The following SLC9A9 variants were observed in gnomAD, a reference collection of about 807,000 sequenced individuals.
The protein encoded by SLC9A9 is solute carrier family 9 member A9.
In SLC9A9, 62 loss-of-function variants were observed where a neutral mutation model predicts 77.8. That is an observed-to-expected ratio of 0.80 (90% CI 0.65 to 0.98). The LOEUF (loss-of-function observed/expected upper bound fraction) is 0.98, where lower values mean the gene tolerates loss of function less well. Among genes scored for constraint, SLC9A9 ranks in the 50% least tolerant of loss-of-function variants. The probability of loss-of-function intolerance (pLI) is 0.00; values close to 1 mark genes in which losing one functional copy is unlikely to be tolerated. For synonymous variants in SLC9A9, 320 were observed against 283.5 expected (o/e 1.13, Z -1.29); for missense variants, 775 against 774.9 (o/e 1.00, Z 0.00).
chr3:143,781,833 T>C lies in SLC9A9; in HGVS notation c.533+13168A>G, dbSNP rs904258674. On this transcript the variant is annotated intron_variant, in intron 4 of 15. Transcript: ENST00000316549. ...GCCTTTTGGAAACTTTCTTTACAGC[T>C]ACCTCTCATGGAGTAGGAATGAGTA... Among the ~76,000 whole-genome samples the C allele has an allele frequency of 3.9e-5, 6 of 152,222 alleles. No individual in the cohort carries two copies. The East Asian group carries it at 5.8e-4, about 15-fold the overall frequency.
intron 12 of SLC9A9, among the ~76,000 whole-genome samples, chr3:143,457,411 C>G (rs2035113809): frequency 6.6e-6 from 1 of 152,080 alleles, no homozygotes; most frequent in South Asian, 2.1e-4. Context: ...TTCAAAGAAC[C>G]AGGTTTTGGT....
intron 4 of SLC9A9, chr3:143,698,019 A>G (rs1933690682): frequency 6.6e-6 from 1 of 152,216 alleles, no homozygotes; most frequent in African/African-American, 2.4e-5. Context: ...AATTAGTTAT[A>G]ACTACATTAA....
chr3:143,545,001 G>A (rs551124520), intron 9 of SLC9A9, among the ~76,000 whole-genome samples: 82 of 152,094 alleles, frequency 5.4e-4, no homozygotes, highest in South Asian at 1.2e-3. Flanking sequence ...TTATTTCCGG[G>A]TTCTCTATTC....
chr3:143,762,522 A>G (rs938816033), intron 4 of SLC9A9, among the ~76,000 whole-genome samples: 2 of 152,138 alleles, frequency 1.3e-5, no homozygotes, highest in East Asian at 3.9e-4. Context: ...TCCCAAATAA[A>G]TCTTTGTAAT....
At chr3:143,272,891 A>G (rs1400518262) in intron 14 of SLC9A9, among the ~76,000 whole-genome samples, 1 of 152,226 alleles carries the variant, frequency 6.6e-6, no homozygotes, top group Non-Finnish European at 1.5e-5. Flanking sequence ...GAATAGCAGT[A>G]TGGTTCAGGA....
intron 4 of SLC9A9, among the ~76,000 whole-genome samples, chr3:143,733,842 A>G: frequency 6.6e-6 from 1 of 151,374 alleles, no homozygotes; most frequent in East Asian, 1.9e-4. Flanking sequence ...AATGTAGACT[A>G]TCCCCAAGAA....
chr3:143,738,233 G>A (rs1037468960), intron 4 of SLC9A9, among the ~76,000 whole-genome samples: 2 of 152,200 alleles, frequency 1.3e-5, no homozygotes, highest in South Asian at 4.1e-4. Context: ...TCTTACAATG[G>A]CCTCTGAATT....
intron 2 of SLC9A9, among the ~76,000 whole-genome samples, chr3:143,817,962 C>T (rs6798159): frequency 0.29 from 44,720 of 151,828 alleles, 6,820 homozygotes; most frequent in African/African-American, 0.39. Flanking sequence ...TGACAGAAGG[C>T]TTAGGTTATG....
intron 12 of SLC9A9, among the ~76,000 whole-genome samples, chr3:143,441,493 T>C (rs1236376394): frequency 1.3e-5 from 2 of 152,216 alleles, no homozygotes; most frequent in Non-Finnish European, 2.9e-5. Context: ...GTCTCTCTAC[T>C]TTTATCAAGA....
intron 9 of SLC9A9, among the ~76,000 whole-genome samples, chr3:143,533,174 A>G (rs2036540941): frequency 6.6e-6 from 1 of 152,248 alleles, no homozygotes; most frequent in Non-Finnish European, 1.5e-5. Context: ...ACACTGCAAT[A>G]TAGCTGTGAA....
chr3:143,562,604 G>A (rs551689867), intron 8 of SLC9A9, among the ~76,000 whole-genome samples: 37 of 151,426 alleles, frequency 2.4e-4, no homozygotes, highest in African/African-American at 8.7e-4. Context: ...TATCTTGCAT[G>A]TTTTGTTAGG....
At chr3:143,410,652 G>T (rs191225558) in intron 12 of SLC9A9, among the ~76,000 whole-genome samples, 1 of 152,298 alleles carries the variant, frequency 6.6e-6, no homozygotes, top group Non-Finnish European at 1.5e-5. Context: ...ATTGCTGCCA[G>T]AATTGTCTTC....
chr3:143,480,561 G>A (rs2035556242), intron 11 of SLC9A9, among the ~76,000 whole-genome samples: 1 of 152,102 alleles, frequency 6.6e-6, no homozygotes, highest in South Asian at 2.1e-4. Context: ...TGCATAAGCT[G>A]GTTAACCCTA....
rs377252290 is a variant in SLC9A9, at chr3:143,394,867, A to G, written c.1470-12753T>C. Among the ~76,000 whole-genome samples, 7 of 152,188 alleles carry G rather than the reference A, an allele frequency of 4.6e-5. No homozygotes were observed. The East Asian group carries it at 5.8e-4, about 13-fold the overall frequency. On this transcript the variant is annotated intron_variant, in intron 12 of 15. Coordinates refer to ENST00000316549, the MANE Select transcript of SLC9A9 (RefSeq NM_173653.4). ...TTCACAATTGCTTCAAAGAGAATAA[A>G]ATACCTAGGAATCCAACTTACAAGG... is the stretch of plus-strand genomic sequence containing the variant.
chr3:143,266,451 C>T lies in SLC9A9; in HGVS notation c.*251G>A. The T allele has an allele frequency of 1.8e-6, 1 of 565,766 alleles. No individual in the cohort carries two copies. The highest frequency in any genetic ancestry group is 3.1e-5 in the East Asian group (1 of 32,238). 35.0% of individuals were successfully genotyped at this position (565,766 alleles called of 1,614,324 possible). A position where few individuals can be genotyped will look rare whatever the true frequency, so the allele number is the denominator to read the frequency against. The stretch of plus-strand genomic sequence containing the variant: ...GCAGCTAGACTCCTGATACCTCCAT[C>T]CCCACCCCAGCCAATCCAGTAATCA... On this transcript the variant is annotated 3_prime_UTR_variant, in exon 16 of 16. Transcript: ENST00000316549.
chr3:143,784,399 T>C (rs1384975486), intron 4 of SLC9A9, among the ~76,000 whole-genome samples: 2 of 152,342 alleles, frequency 1.3e-5, no homozygotes, highest in East Asian at 1.9e-4. Flanking sequence ...GTATGTCTAA[T>C]GGAAGAGGCC....
chr3:143,639,187 A>C (rs966331350), intron 6 of SLC9A9, among the ~76,000 whole-genome samples: 9 of 152,232 alleles, frequency 5.9e-5, no homozygotes, highest in Non-Finnish European at 1.3e-4. Context: ...CCACCCCCTG[A>C]AGTGAGAGCC....
At chr3:143,726,632 G>A (rs1900640) in intron 4 of SLC9A9, among the ~76,000 whole-genome samples, 137,736 of 152,154 alleles carry the variant, frequency 0.91, 62,397 homozygotes, top group East Asian at 1. Context: ...AAGCTATAAT[G>A]TAAGTATTTT....
intron 14 of SLC9A9, among the ~76,000 whole-genome samples, chr3:143,352,497 T>C (rs1220124118): frequency 7.5e-6 from 1 of 133,286 alleles, no homozygotes; most frequent in East Asian, 1.9e-4. Context: ...TCTGTTTCCT[T>C]TGGAAAAAGG....
Sources: gnomAD v4.1 joint callset for allele counts (sites outside exome capture counted in the v4.1 genomes callset) on GRCh38, gnomAD v4.1.1 for gene constraint, MANE v1.5 for transcripts, NCBI Gene and HGNC (gene_info 2026-07-23, HGNC 2026-07-21) for gene names.